The following ASH1L variants were observed in gnomAD, a reference collection of about 807,000 sequenced individuals.
The protein encoded by ASH1L is ASH1 like histone lysine methyltransferase, also known as histone-lysine N-methyltransferase ASH1L.
ASH1L carries 23 observed loss-of-function variants against 269.0 expected under a neutral mutation model. The observed-to-expected ratio is 0.09, with a 90% CI of 0.06 to 0.12. The LOEUF is 0.12. Among genes scored for constraint, ASH1L ranks in the 10% least tolerant of loss-of-function variants. ASH1L has a pLI of 1.00. For missense variants in ASH1L, 2,912 were observed against 3,567.8 expected (o/e 0.82, Z 4.68); for synonymous variants, 1,187 against 1,253.5 (o/e 0.95, Z 1.12).
chr1:155,468,234 T>A (rs905911131), intron 3 of ASH1L, among the ~76,000 whole-genome samples: 13 of 145,306 alleles, frequency 8.9e-5, no homozygotes, highest in African/African-American at 3.3e-4. Flanking sequence ...TATTATTATT[T>A]TTTTTTTCTG....
chr1:155,348,019 A>G, intron 19 of ASH1L, 115 bp from the exon 20 acceptor site: 2 of 1,293,726 alleles, frequency 1.5e-6, no homozygotes, highest in Non-Finnish European at 2.2e-6. Flanking sequence ...TGGTTAACAG[A>G]TTTTCAATAG....
At position 155,562,190 on chromosome 1, in the gene ASH1L, A is replaced by T. The variant is rs1672031701; in HGVS notation, c.-137T>A. The T allele has an allele frequency of 6.2e-7, 1 of 1,603,954 alleles. No individual in the cohort carries two copies. ...CGAGGCCGAGGCCGAGAGCGATGAG[A>T]GTGCAGGGAAGTGGGGAAGAGGGGG... On this transcript the variant is annotated 5_prime_UTR_variant, in exon 1 of 28. Transcript: ENST00000392403.
intron 15 of ASH1L, among the ~76,000 whole-genome samples, chr1:155,356,176 A>G (rs1558026322): frequency 6.6e-6 from 1 of 151,842 alleles, no homozygotes; most frequent in Non-Finnish European, 1.5e-5. Flanking sequence ...ACCTCAGGTG[A>G]TCCGCCTGCC....
At chr1:155,509,970 T>C (rs749054691) in intron 2 of ASH1L, among the ~76,000 whole-genome samples, 1 of 152,150 alleles carries the variant, frequency 6.6e-6, no homozygotes, top group African/African-American at 2.4e-5. Flanking sequence ...GGAAATCTTT[T>C]ATAAACTTCG....
intron 5 of ASH1L, among the ~76,000 whole-genome samples, chr1:155,426,702 T>A (rs560890080): frequency 2.6e-5 from 4 of 152,228 alleles, no homozygotes; most frequent in Non-Finnish European, 4.4e-5. Flanking sequence ...GTTCATGACA[T>A]ACTTTTTAAT....
At chr1:155,545,276 G>A (rs571850453) in intron 1 of ASH1L, among the ~76,000 whole-genome samples, 1 of 145,456 alleles carries the variant, frequency 6.9e-6, no homozygotes, top group African/African-American at 2.5e-5. Flanking sequence ...TATGGTAAAT[G>A]GGCACTAGTG....
intron 5 of ASH1L, among the ~76,000 whole-genome samples, chr1:155,422,655 T>C (rs866096988): frequency 2.2e-4 from 31 of 140,652 alleles, no homozygotes; most frequent in African/African-American, 7.4e-4. Context: ...TTCTTTCTGT[T>C]TTTTTTTTTT....
intron 6 of ASH1L, among the ~76,000 whole-genome samples, chr1:155,413,347 T>C (rs1445217819): frequency 1.3e-5 from 2 of 152,212 alleles, no homozygotes; most frequent in African/African-American, 4.8e-5. Flanking sequence ...GGCTCACGCC[T>C]GTAATCCTAG....
At chr1:155,423,090 A>G (rs1388388782) in intron 5 of ASH1L, among the ~76,000 whole-genome samples, 3 of 151,654 alleles carry the variant, frequency 2.0e-5, no homozygotes, top group Non-Finnish European at 4.4e-5. Flanking sequence ...CTGGGATTAC[A>G]GGTACCTACC....
intron 6 of ASH1L, among the ~76,000 whole-genome samples, chr1:155,399,234 G>A (rs1466790978): frequency 6.6e-6 from 1 of 152,166 alleles, no homozygotes; most frequent in Non-Finnish European, 1.5e-5. Flanking sequence ...GGTTCTACAA[G>A]GCATCCAAGT....
chr1:155,388,338 C>T (rs1316026786), intron 7 of ASH1L, among the ~76,000 whole-genome samples: 2 of 152,186 alleles, frequency 1.3e-5, no homozygotes, highest in Admixed American at 1.3e-4. Context: ...GTCTTTCAGG[C>T]TGGAGTGCAC....
At chr1:155,342,432 A>G (rs1652899015) in intron 24 of ASH1L, among the ~76,000 whole-genome samples, 1 of 152,202 alleles carries the variant, frequency 6.6e-6, no homozygotes, top group African/African-American at 2.4e-5. Context: ...ACAGAGGCAT[A>G]AATTTGAGGG....
At position 155,544,582 on chromosome 1, in the gene ASH1L, C is replaced by T. The variant is rs959760942; in HGVS notation, c.-100+17571G>A. ...GATTACAGGCGTAAGCCACCGTGCC[C>T]GGCCGAGAAACCCTTCTTAGGCAAA... On this transcript the variant is annotated intron_variant, in intron 1 of 27. Transcript: ENST00000392403. 3.3e-5 allele frequency among the ~76,000 whole-genome samples: 5 copies of T among 152,050 alleles called. 1 individual carries two copies. The highest frequency in any genetic ancestry group is 1.5e-5 in the Non-Finnish European group (1 of 67,992).
At chr1:155,428,216 A>G (rs2148586093) in intron 5 of ASH1L, among the ~76,000 whole-genome samples, 1 of 152,248 alleles carries the variant, frequency 6.6e-6, no homozygotes, top group African/African-American at 2.4e-5. Flanking sequence ...AGGCAGGTGG[A>G]TCACCTGAGG....
intron 1 of ASH1L, among the ~76,000 whole-genome samples, chr1:155,530,420 G>A (rs1282687991): frequency 6.6e-6 from 1 of 152,122 alleles, no homozygotes; most frequent in East Asian, 1.9e-4. Context: ...TATATTTTAC[G>A]AGCTTCAAAT....
At chr1:155,487,057 C>T (rs754939315) in intron 2 of ASH1L, among the ~76,000 whole-genome samples, 4 of 152,120 alleles carry the variant, frequency 2.6e-5, no homozygotes, top group South Asian at 2.1e-4. Context: ...CCCAGCTACT[C>T]GGAAGGCTGA....
chr1:155,395,681 T>C, intron 6 of ASH1L, 128 bp from the exon 7 acceptor site: 1 of 556,694 alleles, frequency 1.8e-6, no homozygotes, highest in South Asian at 3.2e-5. Context: ...AAAAAAAATC[T>C]TTACTTCTGA....
chr1:155,498,711 G>A (rs1048683943), intron 2 of ASH1L, among the ~76,000 whole-genome samples: 1 of 151,918 alleles, frequency 6.6e-6, no homozygotes, highest in South Asian at 2.1e-4. Context: ...AAAGTGCTGG[G>A]ATTACAGGCA....
intron 10 of ASH1L, among the ~76,000 whole-genome samples, chr1:155,377,810 G>A (rs1190997566): frequency 6.6e-6 from 1 of 152,038 alleles, no homozygotes; most frequent in Non-Finnish European, 1.5e-5. Context: ...GGATCACGAG[G>A]TCAGATTGAG....
Sources: gnomAD v4.1 joint callset for allele counts (sites outside exome capture counted in the v4.1 genomes callset) on GRCh38, gnomAD v4.1.1 for gene constraint, MANE v1.5 for transcripts, NCBI Gene and HGNC (gene_info 2026-07-23, HGNC 2026-07-21) for gene names.